Variants in CENPW observed in about 807,000 individuals in gnomAD.
The protein encoded by CENPW is cancer-up-regulated gene 2 protein.
In CENPW, 3 loss-of-function variants were observed where a neutral mutation model predicts 11.1. The observed-to-expected ratio is 0.27, with a 90% CI of 0.12 to 0.70. The LOEUF (loss-of-function observed/expected upper bound fraction) is 0.70, where lower values mean the gene tolerates loss of function less well. Ranked by LOEUF, CENPW falls within the 30% of genes least tolerant of loss-of-function variation. The pLI is 0.77. For synonymous variants in CENPW, 38 were observed against 42.0 expected (o/e 0.91, Z 0.37); for missense variants, 100 against 105.6 (o/e 0.95, Z 0.23).
At chr6:126,393,120 T>C in the CENPW span, among the ~76,000 whole-genome samples, 1 of 152,132 alleles carries the variant, frequency 6.6e-6, no homozygotes, top group South Asian at 2.1e-4. Context: ...TTTGAATTTC[T>C]GTAGTATCAG....
the CENPW span, among the ~76,000 whole-genome samples, chr6:126,443,870 G>T: frequency 6.6e-6 from 1 of 151,072 alleles, no homozygotes; most frequent in African/African-American, 2.4e-5. Flanking sequence ...GCTCTATGGG[G>T]CAATATTTCT....
chr6:126,463,351 A>T, the CENPW span, among the ~76,000 whole-genome samples: 187 of 152,148 alleles, frequency 1.2e-3, 6 homozygotes, highest in East Asian at 0.035. Context: ...ACAGTTTAGG[A>T]AATAAGAATG....
At chr6:126,428,327 C>T in the CENPW span, among the ~76,000 whole-genome samples, 1 of 152,070 alleles carries the variant, frequency 6.6e-6, no homozygotes, top group Non-Finnish European at 1.5e-5. Context: ...AATACATTGA[C>T]TATTATTGTC....
the CENPW span, among the ~76,000 whole-genome samples, chr6:126,425,556 G>A: frequency 6.6e-6 from 1 of 152,158 alleles, no homozygotes; most frequent in South Asian, 2.1e-4. Flanking sequence ...TTATGAAATT[G>A]TCAAATAGTA....
the CENPW span, among the ~76,000 whole-genome samples, chr6:126,392,486 C>T: frequency 1.3e-5 from 2 of 151,792 alleles, no homozygotes; most frequent in East Asian, 1.9e-4. Context: ...TACTTCTGTA[C>T]CCAATTTTTT....
the CENPW span, among the ~76,000 whole-genome samples, chr6:126,481,968 G>A: frequency 6.6e-6 from 1 of 151,940 alleles, no homozygotes; most frequent in Non-Finnish European, 1.5e-5. Context: ...TTGATCATTT[G>A]GATATATTAC....
At chr6:126,388,368 T>G in the CENPW span, among the ~76,000 whole-genome samples, 1 of 151,970 alleles carries the variant, frequency 6.6e-6, no homozygotes, top group Non-Finnish European at 1.5e-5. Context: ...GATTTACAGA[T>G]AGCACCGGCC....
the CENPW span, among the ~76,000 whole-genome samples, chr6:126,383,131 A>G: frequency 1.3e-5 from 2 of 152,214 alleles, no homozygotes; most frequent in Non-Finnish European, 2.9e-5. Flanking sequence ...ACATTGATAA[A>G]ATGAAGAGAA....
the CENPW span, among the ~76,000 whole-genome samples, chr6:126,421,706 A>T: frequency 6.6e-6 from 1 of 151,932 alleles, no homozygotes; most frequent in Non-Finnish European, 1.5e-5. Flanking sequence ...GTCTTGGGTA[A>T]ATCTGTCTAT....
the CENPW span, among the ~76,000 whole-genome samples, chr6:126,393,799 C>CAT: frequency 6.0e-5 from 9 of 149,802 alleles, no homozygotes; most frequent in East Asian, 3.9e-4. Context: ...ATTATATAGG[C>CAT]ATATATATAT....
the CENPW span, among the ~76,000 whole-genome samples, chr6:126,474,214 G>C: frequency 6.6e-6 from 1 of 151,854 alleles, no homozygotes; most frequent in Non-Finnish European, 1.5e-5. Context: ...TAAAGATTGG[G>C]AACAAGGCAA....
the CENPW span, among the ~76,000 whole-genome samples, chr6:126,369,071 A>C: frequency 2.0e-3 from 304 of 151,826 alleles, no homozygotes; most frequent in African/African-American, 7.1e-3. Context: ...CTTCACTTAG[A>C]ATAATGGTCT....
chr6:126,383,252 C>G, the CENPW span, among the ~76,000 whole-genome samples: 1 of 152,130 alleles, frequency 6.6e-6, no homozygotes, highest in Non-Finnish European at 1.5e-5. Flanking sequence ...ACCAGAAATG[C>G]CTTAGAAGAG....
the CENPW span, among the ~76,000 whole-genome samples, chr6:126,445,706 A>AGT: frequency 6.6e-6 from 1 of 151,182 alleles, no homozygotes; most frequent in Non-Finnish European, 1.5e-5. Flanking sequence ...ATATCTATGC[A>AGT]GTATATATAT....
chr6:126,437,984 A>G, the CENPW span, among the ~76,000 whole-genome samples: 1 of 151,746 alleles, frequency 6.6e-6, no homozygotes, highest in Admixed American at 6.6e-5. Flanking sequence ...TATATGATGA[A>G]TATTTATTGA....
chr6:126,408,007 T>A, the CENPW span, among the ~76,000 whole-genome samples: 2 of 152,188 alleles, frequency 1.3e-5, no homozygotes, highest in African/African-American at 4.8e-5. Context: ...TCTTTGCCTG[T>A]GCCTGTGTCC....
At chr6:126,352,214 G>A (rs1780499867), downstream of CENPW, among the ~76,000 whole-genome samples, 1 of 152,102 alleles carries the variant, frequency 6.6e-6, no homozygotes, top group African/African-American at 2.4e-5. Context: ...ACAACTTAGG[G>A]TAGTGTTGAG....
At chr6:126,366,707 A>G in the CENPW span, among the ~76,000 whole-genome samples, 1 of 152,218 alleles carries the variant, frequency 6.6e-6, no homozygotes. Context: ...TCATGTTACC[A>G]TCTAACTATT....
the CENPW span, among the ~76,000 whole-genome samples, chr6:126,421,387 G>A: frequency 2.6e-5 from 4 of 151,706 alleles, no homozygotes; most frequent in Admixed American, 1.3e-4. Context: ...CTGTTACCCC[G>A]GCTATATTAT....
Sources: allele counts gnomAD v4.1 joint callset (sites outside exome capture counted in the v4.1 genomes callset), GRCh38; gene constraint gnomAD v4.1.1; transcripts MANE v1.5; gene names NCBI Gene and HGNC (gene_info 2026-07-23, HGNC 2026-07-21).